SENP5: variants seen among roughly 807,000 people sequenced by gnomAD.
The protein encoded by SENP5 is sentrin-specific protease 5.
SENP5 carries 21 observed loss-of-function variants against 74.2 expected under a neutral mutation model. The observed-to-expected ratio is 0.28, with a 90% CI of 0.20 to 0.41. The LOEUF is 0.41. Ranked by LOEUF, SENP5 falls within the 10% of genes least tolerant of loss-of-function variation. The pLI is 1.00. For synonymous variants in SENP5, 311 were observed against 312.7 expected (o/e 0.99, Z 0.06); for missense variants, 717 against 889.1 (o/e 0.81, Z 2.46).
chr3:196,918,014 T>TA (rs1715453137), intron 6 of SENP5, among the ~76,000 whole-genome samples: 1 of 152,062 alleles, frequency 6.6e-6, no homozygotes, highest in South Asian at 2.1e-4. Context: ...TATAAAAAGA[T>TA]AAATAGAAAC....
At chr3:196,925,357 C>T (rs1397267346) in intron 7 of SENP5, among the ~76,000 whole-genome samples, 1 of 152,124 alleles carries the variant, frequency 6.6e-6, no homozygotes, top group African/African-American at 2.4e-5. Flanking sequence ...CTCACAATAC[C>T]AGATGTGAGC....
At chr3:196,893,632 G>A (rs1036257836) in intron 2 of SENP5, among the ~76,000 whole-genome samples, 13 of 152,134 alleles carry the variant, frequency 8.5e-5, no homozygotes, top group African/African-American at 2.6e-4. Context: ...AGTTTAGGCC[G>A]GGCGCGGTGG....
chr3:196,911,422 G>A (rs1715119825), intron 6 of SENP5, among the ~76,000 whole-genome samples: 1 of 152,166 alleles, frequency 6.6e-6, no homozygotes. Context: ...CGCAAAAGAA[G>A]ACATTTATGT....
intron 6 of SENP5, among the ~76,000 whole-genome samples, chr3:196,907,022 G>A (rs775266475): frequency 2.0e-5 from 3 of 152,176 alleles, no homozygotes; most frequent in Non-Finnish European, 4.4e-5. Flanking sequence ...GGACAAGGAA[G>A]TGTGAAAGAT....
chr3:196,915,560 C>T (rs1020614397), intron 6 of SENP5, among the ~76,000 whole-genome samples: 5 of 152,302 alleles, frequency 3.3e-5, no homozygotes, highest in African/African-American at 1.2e-4. Context: ...GAATAAATAT[C>T]AGCGGTCGCC....
intron 6 of SENP5, among the ~76,000 whole-genome samples, 155 bp downstream of exon 6, chr3:196,903,765 G>A (rs1448983563): frequency 6.6e-6 from 1 of 152,176 alleles, no homozygotes; most frequent in Non-Finnish European, 1.5e-5. Flanking sequence ...AAATCTTATT[G>A]TTTGAAAGAC....
intron 1 of SENP5, among the ~76,000 whole-genome samples, chr3:196,870,997 G>A (rs1209925927): frequency 6.6e-6 from 1 of 151,796 alleles, no homozygotes; most frequent in Non-Finnish European, 1.5e-5. Flanking sequence ...GTGAAACTCC[G>A]TCTGTACTGA....
intron 2 of SENP5, among the ~76,000 whole-genome samples, chr3:196,898,310 A>G (rs1225352234): frequency 6.6e-6 from 1 of 151,890 alleles, no homozygotes; most frequent in Non-Finnish European, 1.5e-5. Flanking sequence ...AGACTGTCCT[A>G]TGGTGTGGCC....
At chr3:196,906,936 AG>A (rs1291976460) in intron 6 of SENP5, among the ~76,000 whole-genome samples, 4 of 152,324 alleles carry the variant, frequency 2.6e-5, no homozygotes, top group African/African-American at 9.6e-5. Flanking sequence ...GAATGATAGC[AG>A]GAGAGATGGA....
At chr3:196,924,874 A>G (rs1272460803) in intron 7 of SENP5, among the ~76,000 whole-genome samples, 2 of 152,226 alleles carry the variant, frequency 1.3e-5, no homozygotes, top group African/African-American at 2.4e-5. Context: ...TAAATACACT[A>G]TGGTACGGTA....
intron 6 of SENP5, among the ~76,000 whole-genome samples, chr3:196,909,134 C>T (rs1715021455): frequency 6.6e-6 from 1 of 152,100 alleles, no homozygotes; most frequent in Non-Finnish European, 1.5e-5. Context: ...CTATAAAGAC[C>T]TCTACACAAA....
chr3:196,895,873 A>G (rs1208076111), intron 2 of SENP5, among the ~76,000 whole-genome samples: 1 of 151,858 alleles, frequency 6.6e-6, no homozygotes, highest in Non-Finnish European at 1.5e-5. Flanking sequence ...TTATATTACT[A>G]CCTTTTGTAC....
intron 6 of SENP5, among the ~76,000 whole-genome samples, chr3:196,904,515 C>T (rs1479289131): frequency 3.3e-5 from 5 of 152,136 alleles, no homozygotes; most frequent in Admixed American, 3.3e-4. Flanking sequence ...AGGCCAGGTG[C>T]GGTGGCTCAC....
intron 2 of SENP5, among the ~76,000 whole-genome samples, chr3:196,887,877 C>T (rs960591433): frequency 3.9e-5 from 6 of 152,142 alleles, no homozygotes; most frequent in Non-Finnish European, 5.9e-5. Flanking sequence ...AAGCAGTTCT[C>T]CTGCCTCAGC....
rs1297691207 is a variant in SENP5, at chr3:196,933,791, G to A, written c.*2868G>A. The A allele has an allele frequency of 2.6e-5, 4 of 152,144 alleles. No individual in the cohort carries two copies. In the East Asian group the frequency reaches 7.7e-4, roughly 29 times the overall value. The allele number at this position is 152,144 out of a possible 1,614,324, so 9.4% of individuals were successfully genotyped here. On this transcript the variant is annotated 3_prime_UTR_variant, in exon 10 of 10. Coordinates refer to ENST00000323460, the MANE Select transcript of SENP5 (RefSeq NM_152699.5). ...AATTTTTGTATTTTTAGTAGAGACA[G>A]GGTTTTGCCATGTTGGTCAGGCTGG...
At chr3:196,888,583 C>CAAAAA (rs112395641) in intron 2 of SENP5, among the ~76,000 whole-genome samples, 1 of 140,528 alleles carries the variant, frequency 7.1e-6, no homozygotes, top group African/African-American at 2.6e-5. Flanking sequence ...GACTCTCTCA[C>CAAAAA]AAAAAAAAAA....
At chr3:196,908,780 G>A (rs1026814821) in intron 6 of SENP5, among the ~76,000 whole-genome samples, 10 of 152,148 alleles carry the variant, frequency 6.6e-5, no homozygotes, top group East Asian at 1.9e-4. Flanking sequence ...CTGAGATTGC[G>A]CCATTGCACT....
intron 2 of SENP5, among the ~76,000 whole-genome samples, chr3:196,899,280 C>A (rs892438862): frequency 6.6e-6 from 1 of 152,116 alleles, no homozygotes; most frequent in East Asian, 1.9e-4. Context: ...AATAATAATT[C>A]TTTCAGTTAC....
chr3:196,870,412 ATTCCTACTCTATT>A (rs1388085331), intron 1 of SENP5, among the ~76,000 whole-genome samples: 9 of 152,262 alleles, frequency 5.9e-5, no homozygotes, highest in African/African-American at 2.2e-4. Context: ...TGCTTTAGCA[ATTCCTACTCTATT>A]ATTAGTAGAG....
Sources: allele counts gnomAD v4.1 joint callset (sites outside exome capture counted in the v4.1 genomes callset), GRCh38; gene constraint gnomAD v4.1.1; transcripts MANE v1.5; gene names NCBI Gene and HGNC (gene_info 2026-07-23, HGNC 2026-07-21).